The following RCAN1 variants were observed in gnomAD, a reference collection of about 807,000 sequenced individuals.
RCAN1 encodes the protein regulator of calcineurin 1.
Under a neutral mutation model 22.9 loss-of-function variants are expected in RCAN1, and 11 were observed. The observed-to-expected ratio is 0.48, with a 90% CI of 0.30 to 0.79. RCAN1 has a LOEUF of 0.79. Ranked by LOEUF, RCAN1 falls within the 30% of genes least tolerant of loss-of-function variation. RCAN1 has a pLI of 0.06. For missense variants in RCAN1, 291 were observed against 337.8 expected, an observed-to-expected ratio of 0.86 and a Z score of 1.09; for synonymous variants, 136 against 142.3, an observed-to-expected ratio of 0.96 and a Z score of 0.32.
In RCAN1 at chr21:34,518,321, A is replaced by C; in HGVS notation, c.587-65T>G. The C allele has an allele frequency of 1.9e-6, 3 of 1,560,134 alleles. No homozygotes were observed. The highest frequency in any genetic ancestry group is 2.6e-6 in the Non-Finnish European group (3 of 1,145,286). ...CCTTGGGAGTCAAAAGGCAAACATA[A>C]AAGAGCATTCAGGGCTCTGCTGGGC... is the stretch of plus-strand genomic sequence containing the variant. On this transcript the variant is annotated intron_variant, in intron 3 of 3. Transcript: ENST00000313806. The surrounding 1 kb of genome is among the most constrained non-coding windows in gnomAD (Gnocchi z 4.2).
chr21:34,560,216 C>G (rs1986738375), intron 1 of RCAN1: 1 of 152,074 alleles, frequency 6.6e-6, no homozygotes, highest in African/African-American at 2.4e-5. Flanking sequence ...ACGGGGTTGC[C>G]GGTACAGGCA....
chr21:34,529,784 A>G (rs913199917), intron 1 of RCAN1, among the ~76,000 whole-genome samples: 1 of 152,154 alleles, frequency 6.6e-6, no homozygotes, highest in African/African-American at 2.4e-5. Flanking sequence ...CAAAATCTCA[A>G]CTTGAATTGT....
chr21:34,590,448 G>T (rs1310847837), intron 1 of RCAN1, among the ~76,000 whole-genome samples: 2 of 152,180 alleles, frequency 1.3e-5, no homozygotes, highest in Non-Finnish European at 2.9e-5. Context: ...CACCTCATAG[G>T]ATACTAACTT....
At chr21:34,560,657 G>A (rs1414733551) in intron 1 of RCAN1, among the ~76,000 whole-genome samples, 1 of 152,150 alleles carries the variant, frequency 6.6e-6, no homozygotes, top group Non-Finnish European at 1.5e-5. Flanking sequence ...ATTAGCACCA[G>A]AAGAAAATTT....
intron 1 of RCAN1, among the ~76,000 whole-genome samples, chr21:34,611,567 G>C (rs987668825): frequency 6.6e-6 from 1 of 152,146 alleles, no homozygotes; most frequent in Non-Finnish European, 1.5e-5. Flanking sequence ...AAAGAAGTTT[G>C]ATCCAGTCTT....
intron 1 of RCAN1, among the ~76,000 whole-genome samples, chr21:34,544,216 T>C (rs1601157807): frequency 6.6e-6 from 1 of 152,368 alleles, no homozygotes; most frequent in East Asian, 1.9e-4. Context: ...TGGATTCTGT[T>C]TCCACAGTTA....
intron 1 of RCAN1, among the ~76,000 whole-genome samples, chr21:34,583,356 T>C (rs1987685835): frequency 6.6e-6 from 1 of 152,144 alleles, no homozygotes; most frequent in Admixed American, 6.5e-5. Context: ...TTTGTATTTT[T>C]AGTAGAGACA....
intron 1 of RCAN1, among the ~76,000 whole-genome samples, chr21:34,558,054 T>C (rs2284588): frequency 0.24 from 36,802 of 152,178 alleles, 5,203 homozygotes; most frequent in African/African-American, 0.39. Flanking sequence ...CCATCAAGCC[T>C]GTGATGAACT....
At chr21:34,525,203 G>C (rs977577419) in intron 1 of RCAN1, 9 of 1,550,524 alleles carry the variant, frequency 5.8e-6, no homozygotes, top group African/African-American at 2.7e-5. Context: ...GGCACTGGTG[G>C]ATGCCTGCTC....
At chr21:34,531,975 A>C (rs1028606946) in intron 1 of RCAN1, among the ~76,000 whole-genome samples, 1 of 152,044 alleles carries the variant, frequency 6.6e-6, no homozygotes, top group African/African-American at 2.4e-5. Context: ...GACCACCACG[A>C]TGGGTATAGA....
intron 1 of RCAN1, among the ~76,000 whole-genome samples, chr21:34,554,173 T>C (rs1986470505): frequency 6.6e-6 from 1 of 152,234 alleles, no homozygotes; most frequent in African/African-American, 2.4e-5. Flanking sequence ...TCATCTTCTT[T>C]CTTTGAGACA....
At chr21:34,548,414 G>A (rs924168362) in intron 1 of RCAN1, among the ~76,000 whole-genome samples, 2 of 152,050 alleles carry the variant, frequency 1.3e-5, no homozygotes, top group Non-Finnish European at 2.9e-5. Flanking sequence ...CTAATAAAAT[G>A]ACATGTCTGA....
intron 1 of RCAN1, among the ~76,000 whole-genome samples, chr21:34,577,280 A>G (rs1294830471): frequency 5.9e-5 from 9 of 152,190 alleles, no homozygotes; most frequent in Admixed American, 4.6e-4. Flanking sequence ...GGATAGTGAG[A>G]TGATGACATA....
At chr21:34,555,627 G>A (rs1309892687) in intron 1 of RCAN1, among the ~76,000 whole-genome samples, 3 of 151,752 alleles carry the variant, frequency 2.0e-5, no homozygotes, top group Admixed American at 6.6e-5. Flanking sequence ...TTACTCCATG[G>A]TGGGAAGTGT....
At chr21:34,568,934 G>A (rs1227225520) in intron 1 of RCAN1, among the ~76,000 whole-genome samples, 1 of 152,196 alleles carries the variant, frequency 6.6e-6, no homozygotes, top group Non-Finnish European at 1.5e-5. Context: ...GAGACAAAAG[G>A]TGCTTCTTAC....
chr21:34,579,959 A>G (rs1987545938), intron 1 of RCAN1, among the ~76,000 whole-genome samples: 1 of 152,166 alleles, frequency 6.6e-6, no homozygotes, highest in Admixed American at 6.5e-5. Context: ...CTGCTAACCT[A>G]TCTCCTAGGG....
intron 1 of RCAN1, among the ~76,000 whole-genome samples, chr21:34,586,719 G>A (rs767598563): frequency 7.2e-5 from 11 of 152,318 alleles, no homozygotes; most frequent in South Asian, 6.2e-4. Context: ...TTGGGAGGCC[G>A]AGATGGGTGG....
chr21:34,538,555 G>C (rs946709640), intron 1 of RCAN1, among the ~76,000 whole-genome samples: 5 of 152,218 alleles, frequency 3.3e-5, no homozygotes, highest in African/African-American at 1.2e-4. Context: ...AGAGGTTCTT[G>C]CGCAGGGGAG....
At chr21:34,583,836 C>T (rs961213961) in intron 1 of RCAN1, among the ~76,000 whole-genome samples, 53 of 152,212 alleles carry the variant, frequency 3.5e-4, no homozygotes, top group African/African-American at 1.2e-3. Context: ...ATGACCATAT[C>T]AGCCACTGCA....
Sources: gnomAD v4.1 joint callset for allele counts (sites outside exome capture counted in the v4.1 genomes callset) on GRCh38, gnomAD v4.1.1 for gene constraint, Gnocchi (gnomAD v3.1) non-coding constraint, MANE v1.5 for transcripts, NCBI Gene and HGNC (gene_info 2026-07-23, HGNC 2026-07-21) for gene names.